The following C17orf50 variants were observed in gnomAD, a reference collection of about 807,000 sequenced individuals.
C17orf50 encodes the protein plakoglobin binding and degradation factor.
In C17orf50, 16 loss-of-function variants were observed where a neutral mutation model predicts 17.7. The observed-to-expected ratio is 0.90, with a 90% CI of 0.61 to 1.37. C17orf50 has a LOEUF of 1.37. Among genes scored for constraint, C17orf50 ranks in the 40% most tolerant of loss-of-function variants. The pLI is 0.00. For missense variants in C17orf50, 271 were observed against 240.7 expected, an observed-to-expected ratio of 1.13 and a Z score of -0.83; for synonymous variants, 125 against 111.0, an observed-to-expected ratio of 1.13 and a Z score of -0.80.
Position 35,764,262 on chromosome 17 carries a change from G to A in C17orf50, c.269G>A (p.Ser90Asn). 1 of 1,539,240 alleles carries A rather than the reference G, an allele frequency of 6.5e-7. No individual in the cohort carries two copies. The highest frequency in any genetic ancestry group is 8.7e-7 in the Non-Finnish European group (1 of 1,142,984). The change falls in exon 2 of 3, where the codon AGC (serine) becomes AAC (asparagine). Residue 90 changes from serine (S) to asparagine (N), a missense_variant. Physicochemically the swap from Ser to Asn is conservative, Grantham distance 46. Transcript: ENST00000605587. The part of the protein sequence containing the change: ...QQVALLRRAD[S>N]GFWGWLGPLA... Reference sequence around the variant, plus strand: ...GTGGCGCTGCTGCGGCGCGCGGACAGCGGCTTCTGGGGCTGGCTCGGCCCC... The same window carrying A: ...GTGGCGCTGCTGCGGCGCGCGGACAACGGCTTCTGGGGCTGGCTCGGCCCC...
rs782651514 is a variant in C17orf50 at position 35,760,948 on chromosome 17, A to T, written c.7A>T (p.Lys3Ter). 6.2e-7 allele frequency: 1 copy of T among 1,613,688 alleles called. No homozygotes were observed. The highest frequency in any genetic ancestry group is 2.2e-5 in the East Asian group (1 of 44,874). ...GGGCACAGCCTTGGGAAGAATGGAT[A>T]AGCATGGTGAGTGGGGCTGGAGGCA... MD[K>*]HGVKTPLWKK... is the part of the protein sequence containing the mutation. The change falls in exon 1 of 3, where the codon AAG becomes TAG. Residue 3 changes from lysine to a stop codon, truncating the protein, a stop_gained. Transcript: ENST00000605587. LOFTEE classifies it high-confidence loss of function.
At position 35,764,806 on chromosome 17, in the gene C17orf50, T is replaced by C; in HGVS notation, c.*188T>C. On this transcript the variant is annotated 3_prime_UTR_variant, in exon 3 of 3. Coordinates refer to ENST00000605587, the MANE Select transcript of C17orf50 (RefSeq NM_145272.4). ...TGGTGCTTGGTTCCCATCTGTCACCTAGCGCCCCCAGTGCAGAGCCCAGCA... is the reference window on the plus strand; with the variant it reads ...TGGTGCTTGGTTCCCATCTGTCACCCAGCGCCCCCAGTGCAGAGCCCAGCA... 1.7e-6 allele frequency: 1 copy of C among 605,370 alleles called. No homozygotes were observed. Among genetic ancestry groups the C allele is most frequent in the South Asian group, 2.5e-5 (1 of 40,494 alleles). The allele number at this position is 605,370 out of a possible 1,614,324, so 37.5% of individuals were successfully genotyped here.
At position 35,764,688 on chromosome 17, in the gene C17orf50, T is replaced by C; in HGVS notation, c.*70T>C. 1.4e-6 allele frequency: 2 copies of C among 1,466,400 alleles called. No individual in the cohort carries two copies. The highest frequency in any genetic ancestry group is 1.8e-6 in the Non-Finnish European group (2 of 1,108,190). 90.8% of individuals were successfully genotyped at this position (1,466,400 alleles called of 1,614,324 possible). A position where few individuals can be genotyped will look rare whatever the true frequency, so the allele number is the denominator to read the frequency against. On this transcript the variant is annotated 3_prime_UTR_variant, in exon 3 of 3. Transcript: ENST00000605587. ...CCAGACCCCCTACCGACCTTCTCTC[T>C]TGGAGCGCGGAGCCCTCTTCGACGC...
intron 1 of C17orf50, among the ~76,000 whole-genome samples, chr17:35,762,837 G>T (rs2085847886): frequency 1.3e-5 from 2 of 152,072 alleles, no homozygotes; most frequent in South Asian, 4.1e-4. Context: ...ATTAAAATGG[G>T]ATCAGTGGCC....
Position 35,764,103 on chromosome 17 carries a change from A to G in C17orf50, c.110A>G (p.Glu37Gly), listed in dbSNP as rs782133386. The G allele has an allele frequency of 2.6e-6, 4 of 1,550,222 alleles. No homozygotes were observed. The South Asian group carries it at 3.6e-5, about 14-fold the overall frequency. The change falls in exon 2 of 3, where the codon GAG becomes GGG. Residue 37 changes from glutamate to glycine, a missense_variant. Physicochemically the swap from Glu to Gly is moderately conservative, Grantham distance 98. Coordinates refer to ENST00000605587, the MANE Select transcript of C17orf50 (RefSeq NM_145272.4). The stretch of plus-strand genomic sequence containing the variant: ...AAGGAGGGGTCGGAGGACGAGGACG[A>G]GGACAACCAGAGGCCGCTGGAGGAC... ...EGKEGSEDED[E>G]DNQRPLEDSA...
intron 1 of C17orf50, among the ~76,000 whole-genome samples, chr17:35,761,984 C>A (rs2085829530): frequency 6.6e-6 from 1 of 151,934 alleles, no homozygotes. Flanking sequence ...GTTTCTTTTT[C>A]TTTCTTTCTT....
At chr17:35,761,067 T>C (rs1386558421) in intron 1 of C17orf50, 113 bp downstream of exon 1, 3 of 1,193,060 alleles carry the variant, frequency 2.5e-6, no homozygotes, top group Admixed American at 3.0e-5. Context: ...CCCATCCATG[T>C]AGCTGCAAGC....
intron 1 of C17orf50, among the ~76,000 whole-genome samples, chr17:35,762,942 G>A (rs2085850904): frequency 6.6e-6 from 1 of 152,114 alleles, no homozygotes; most frequent in Non-Finnish European, 1.5e-5. Flanking sequence ...CAAACATGGT[G>A]AAACCTGGTC....
Position 35,764,351 on chromosome 17 carries a change from CA to C in C17orf50, c.332+27del, listed in dbSNP as rs2085890878. The C allele has an allele frequency of 2.7e-6, 4 of 1,457,368 alleles. No individual in the cohort carries two copies. The South Asian group carries it at 5.7e-5, about 21-fold the overall frequency. 90.3% of individuals were successfully genotyped at this position (1,457,368 alleles called of 1,614,324 possible). On this transcript the variant is annotated intron_variant, in intron 2 of 2. Coordinates refer to ENST00000605587, the MANE Select transcript of C17orf50 (RefSeq NM_145272.4). ...GTGCCTGCGCGCTCCTCGACCGGGG[CA>C]CGAGGGAGGCGGTGCCCGGGCCCCA... is the stretch of plus-strand genomic sequence containing the variant.
chr17:35,763,861 C>A, intron 1 of C17orf50, 146 bp from the exon 2 acceptor site: 1 of 613,036 alleles, frequency 1.6e-6, no homozygotes, highest in Non-Finnish European at 2.3e-6. Context: ...CACGCCACTG[C>A]ACTCTAGCCT....
At position 35,764,169 on chromosome 17, in the gene C17orf50, A is replaced by G; in HGVS notation, c.176A>G (p.Glu59Gly). 6.5e-7 allele frequency: 1 copy of G among 1,548,528 alleles called. No homozygotes were observed. The highest frequency in any genetic ancestry group is 8.7e-7 in the Non-Finnish European group (1 of 1,146,662). The change falls in exon 2 of 3, where the codon GAG becomes GGG. Residue 59 changes from glutamate (E) to glycine (G), a missense_variant. By Grantham distance (98) the Glu-to-Gly change is moderately conservative. Coordinates refer to ENST00000605587, the MANE Select transcript of C17orf50 (RefSeq NM_145272.4). ...GAGGAGCCGCCGCGGGTAGCGGAGG[A>G]GGGCGAAGGCCGCGAGCGGCGCTCA... is the stretch of plus-strand genomic sequence containing the variant. ...EGEEPPRVAE[E>G]GEGRERRSVS...
rs1555602170 is a variant in C17orf50, at chr17:35,764,190, G to T, written c.197G>T (p.Arg66Leu). ...VAEEGEGRERRSVSYCPLRQE... is the reference protein window; with the variant it reads ...VAEEGEGRERLSVSYCPLRQE... ...GAGGAGGGCGAAGGCCGCGAGCGGC[G>T]CTCAGTGTCCTACTGCCCGCTGCGC... Residue 66 changes from arginine (R) to leucine (L), a missense_variant, in exon 2 of 3, where the codon CGC (arginine) becomes CTC (leucine). Transcript: ENST00000605587. 1 of 1,548,024 alleles carries T rather than the reference G, an allele frequency of 6.5e-7. No homozygotes were observed. Among genetic ancestry groups the T allele is most frequent in the South Asian group, 1.2e-5 (1 of 83,878 alleles).
intron 1 of C17orf50, 107 bp downstream of exon 1, chr17:35,761,061 T>C: frequency 1.6e-6 from 2 of 1,216,002 alleles, no homozygotes; most frequent in African/African-American, 1.6e-5. Flanking sequence ...CAGTTACCCA[T>C]CCATGTAGCT....
Position 35,764,410 on chromosome 17 carries a change from TG to T in C17orf50, c.333-14del. ...GGGGCTGCCCCAGGCACTGAGCGCC[TG>T]GTCCCCGCCGGCAGGAAGCGGAGCC... On this transcript the variant is annotated splice_polypyrimidine_tract_variant and intron_variant, in intron 2 of 2. Coordinates refer to ENST00000605587, the MANE Select transcript of C17orf50 (RefSeq NM_145272.4). The T allele has an allele frequency of 1.3e-6, 2 of 1,517,892 alleles. No homozygotes were observed. The highest frequency in any genetic ancestry group is 2.5e-5 in the South Asian group (2 of 80,568). 94.0% of individuals were successfully genotyped at this position (1,517,892 alleles called of 1,614,324 possible).
intron 1 of C17orf50, among the ~76,000 whole-genome samples, chr17:35,762,429 T>A (rs2085838607): frequency 2.0e-5 from 3 of 152,144 alleles, no homozygotes; most frequent in Non-Finnish European, 4.4e-5. Flanking sequence ...GTTTGCTGAA[T>A]GGGCGGCGGA....
At position 35,760,918 on chromosome 17, in the gene C17orf50, A is replaced by C. The variant is rs782292157; in HGVS notation, c.-24A>C. 6.2e-7 allele frequency: 1 copy of C among 1,613,702 alleles called. No individual in the cohort carries two copies. Among genetic ancestry groups the C allele is most frequent in the South Asian group, 1.1e-5 (1 of 90,840 alleles). ...TCACATCCCAGTCTCTGATCAGGGA[A>C]AGCAGGGCACAGCCTTGGGAAGAAT... is the stretch of plus-strand genomic sequence containing the variant. On this transcript the variant is annotated 5_prime_UTR_variant, in exon 1 of 3. Transcript: ENST00000605587.
chr17:35,763,763 G>A (rs1214842849), intron 1 of C17orf50, among the ~76,000 whole-genome samples: 2 of 151,982 alleles, frequency 1.3e-5, no homozygotes, highest in Admixed American at 6.5e-5. Context: ...AGGGCGCAGC[G>A]GGGCGTGCCT....
chr17:35,764,368 C>T, intron 2 of C17orf50, 43 bp downstream of exon 2: 4 of 1,453,160 alleles, frequency 2.8e-6, no homozygotes, highest in Non-Finnish European at 3.6e-6. Context: ...GAGGCGGTGC[C>T]CGGGCCCCAG....
chr17:35,764,712 G>T lies in C17orf50; in HGVS notation c.*94G>T. The T allele has an allele frequency of 7.4e-7, 1 of 1,353,580 alleles. No individual in the cohort carries two copies. The highest frequency in any genetic ancestry group is 9.8e-7 in the Non-Finnish European group (1 of 1,018,398). The allele number at this position is 1,353,580 out of a possible 1,614,324, so 83.8% of individuals were successfully genotyped here. ...CTTGGAGCGCGGAGCCCTCTTCGAC[G>T]CATTCCGCAGGACCGCCCCTTCTCA... On this transcript the variant is annotated 3_prime_UTR_variant, in exon 3 of 3. Transcript: ENST00000605587.
Sources: allele counts gnomAD v4.1 joint callset (sites outside exome capture counted in the v4.1 genomes callset), GRCh38; gene constraint gnomAD v4.1.1; transcripts MANE v1.5; gene names NCBI Gene and HGNC (gene_info 2026-07-23, HGNC 2026-07-21).